RIT2: variants seen among roughly 807,000 people sequenced by gnomAD.
RIT2 encodes the protein Ras like without CAAX 2.
Under a neutral mutation model 23.7 loss-of-function variants are expected in RIT2, and 24 were observed. The observed-to-expected ratio is 1.01, with a 90% confidence interval of 0.73 to 1.43. The LOEUF (loss-of-function observed/expected upper bound fraction) is 1.43. RIT2 is among the 40% of genes most tolerant of loss of function. The pLI is 0.00. For synonymous variants in RIT2, 107 were observed against 91.1 expected, an observed-to-expected ratio of 1.17 and a Z score of -0.99; for missense variants, 236 against 266.9, an observed-to-expected ratio of 0.88 and a Z score of 0.81.
chr18:42,936,125 C>T (rs182473189), intron 3 of RIT2, among the ~76,000 whole-genome samples: 24 of 152,134 alleles, frequency 1.6e-4, no homozygotes, highest in African/African-American at 5.8e-4. Flanking sequence ...GCCTTAGAGT[C>T]TCTGCCTCCA....
intron 3 of RIT2, among the ~76,000 whole-genome samples, chr18:42,945,156 C>G (rs999001409): frequency 1.3e-5 from 2 of 151,938 alleles, no homozygotes; most frequent in African/African-American, 4.8e-5. Flanking sequence ...ATTTTATTCT[C>G]AAATATAATT....
intron 2 of RIT2, among the ~76,000 whole-genome samples, chr18:43,007,619 G>T (rs761991091): frequency 5.9e-5 from 9 of 151,588 alleles, no homozygotes; most frequent in Non-Finnish European, 1.3e-4. Context: ...TAAGACTCAG[G>T]AGTCAACTTG....
intron 1 of RIT2, among the ~76,000 whole-genome samples, chr18:43,036,796 C>T (rs1352098606): frequency 6.6e-6 from 1 of 152,098 alleles, no homozygotes; most frequent in Non-Finnish European, 1.5e-5. Context: ...TTGTGTTTTA[C>T]AAAGTGGATC....
chr18:42,804,919 G>C (rs974320802), intron 4 of RIT2, among the ~76,000 whole-genome samples: 1 of 152,300 alleles, frequency 6.6e-6, no homozygotes, highest in East Asian at 1.9e-4. Flanking sequence ...CCATTGGAAA[G>C]GGAACAAGGA....
Position 42,743,414 on chromosome 18 carries a change from A to G in RIT2, c.*79T>C. Reference sequence around the variant, plus strand: ...AGAGAGAGAGACACATAGAGAGATAATATTGAAGCAGAATGCTACATATGG... The same window carrying G: ...AGAGAGAGAGACACATAGAGAGATAGTATTGAAGCAGAATGCTACATATGG... On this transcript the variant is annotated 3_prime_UTR_variant, in exon 5 of 5. Transcript: ENST00000326695. The G allele has an allele frequency of 9.9e-7, 1 of 1,008,014 alleles. No homozygotes were observed. The highest frequency in any genetic ancestry group is 1.5e-6 in the Non-Finnish European group (1 of 649,452). 62.4% of individuals were successfully genotyped at this position (1,008,014 alleles called of 1,614,324 possible).
intron 2 of RIT2, 32 bp from the exon 3 acceptor site, chr18:42,974,179 A>ATGT: frequency 2.1e-6 from 3 of 1,456,122 alleles, no homozygotes; most frequent in African/African-American, 1.4e-5. Context: ...TTACATTTAA[A>ATGT]TGTGACAGGA....
intron 1 of RIT2, among the ~76,000 whole-genome samples, chr18:43,041,956 A>G (rs1912138287): frequency 6.6e-6 from 1 of 152,182 alleles, no homozygotes; most frequent in Admixed American, 6.5e-5. Context: ...ATAAGATCAT[A>G]TAACTCATTA....
intron 1 of RIT2, among the ~76,000 whole-genome samples, chr18:43,063,008 A>G (rs964248027): frequency 6.6e-6 from 1 of 152,226 alleles, no homozygotes; most frequent in South Asian, 2.1e-4. Flanking sequence ...TGGACATGGC[A>G]AAGAGATGGC....
intron 1 of RIT2, among the ~76,000 whole-genome samples, chr18:43,086,939 G>A (rs1913296666): frequency 6.6e-6 from 1 of 152,138 alleles, no homozygotes; most frequent in Non-Finnish European, 1.5e-5. Flanking sequence ...AACAGGTGGT[G>A]CAACTGCTGG....
At chr18:42,915,712 A>G (rs2144124091) in intron 4 of RIT2, among the ~76,000 whole-genome samples, 1 of 151,928 alleles carries the variant, frequency 6.6e-6, no homozygotes, top group East Asian at 1.9e-4. Flanking sequence ...TGCAACATAA[A>G]CGGTGAAATT....
At chr18:42,753,936 A>G (rs1463222315) in intron 4 of RIT2, among the ~76,000 whole-genome samples, 1 of 152,224 alleles carries the variant, frequency 6.6e-6, no homozygotes, top group Non-Finnish European at 1.5e-5. Context: ...TTCCGGGAAC[A>G]GCAAAACAAA....
chr18:43,086,375 T>C (rs960585423), intron 1 of RIT2, among the ~76,000 whole-genome samples: 2 of 152,166 alleles, frequency 1.3e-5, no homozygotes, highest in African/African-American at 4.8e-5. Context: ...GGGAAATAGA[T>C]GAATTCCTAG....
rs10633642 is a variant in RIT2 at position 42,923,770 on chromosome 18, G to GAAA, written c.235-10_235-8dup. ...GCATGGCTGTGAATTCTGCCTGCAGGAAAAAAAAAAAAAAATTAGTTATGG... is the reference window on the plus strand; with the variant it reads ...GCATGGCTGTGAATTCTGCCTGCAGGAAAAAAAAAAAAAAAAAATTAGTTATGG... On this transcript the variant is annotated splice_polypyrimidine_tract_variant and splice_region_variant and intron_variant, in intron 3 of 4. Transcript: ENST00000326695. 3,009 of 1,432,128 alleles carry GAAA rather than the reference G, an allele frequency of 2.1e-3. No homozygotes were observed. Among genetic ancestry groups the GAAA allele is most frequent in the East Asian group, 5.0e-3 (208 of 41,588 alleles). 88.7% of individuals were successfully genotyped at this position (1,432,128 alleles called of 1,614,324 possible).
At chr18:43,106,951 G>A (rs1913836837) in intron 1 of RIT2, among the ~76,000 whole-genome samples, 1 of 152,164 alleles carries the variant, frequency 6.6e-6, no homozygotes, top group African/African-American at 2.4e-5. Flanking sequence ...AAGTGATTGA[G>A]TAGATATCAT....
chr18:42,996,927 C>G (rs1910998559), intron 2 of RIT2, among the ~76,000 whole-genome samples: 1 of 152,106 alleles, frequency 6.6e-6, no homozygotes, highest in African/African-American at 2.4e-5. Flanking sequence ...GCTCTTATTC[C>G]CTCCTCCTTC....
intron 4 of RIT2, among the ~76,000 whole-genome samples, chr18:42,879,945 G>C (rs1030567675): frequency 1.3e-5 from 2 of 152,162 alleles, no homozygotes; most frequent in Non-Finnish European, 2.9e-5. Flanking sequence ...ACTAGCTCCA[G>C]TCTCTGTATC....
At chr18:42,943,565 T>C (rs1217686028) in intron 3 of RIT2, among the ~76,000 whole-genome samples, 1 of 152,184 alleles carries the variant, frequency 6.6e-6, no homozygotes, top group Admixed American at 6.5e-5. Context: ...TTCTTTTACA[T>C]GTTTTTATTA....
At chr18:43,050,395 TG>T (rs1482983190) in intron 1 of RIT2, among the ~76,000 whole-genome samples, 1 of 152,028 alleles carries the variant, frequency 6.6e-6, no homozygotes, top group African/African-American at 2.4e-5. Flanking sequence ...TAGACATTTC[TG>T]GGAGCAGGAA....
intron 3 of RIT2, among the ~76,000 whole-genome samples, chr18:42,962,728 C>A (rs76667647): frequency 1.3e-5 from 2 of 152,096 alleles, no homozygotes; most frequent in South Asian, 2.1e-4. Context: ...AGTTTCAAAC[C>A]GTCATTCTAA....
Sources: gnomAD v4.1 joint callset for allele counts (sites outside exome capture counted in the v4.1 genomes callset) on GRCh38, gnomAD v4.1.1 for gene constraint, MANE v1.5 for transcripts, NCBI Gene and HGNC (gene_info 2026-07-23, HGNC 2026-07-21) for gene names.